PRC1: variants seen among roughly 807,000 people sequenced by gnomAD.
PRC1 encodes protein regulator of cytokinesis 1.
In PRC1, 54 loss-of-function variants were observed where a neutral mutation model predicts 91.2. The ratio of observed to expected loss-of-function variants is 0.59; its 90% confidence interval spans 0.48 to 0.74. The LOEUF is 0.74. PRC1 is among the 30% of genes least tolerant of loss of function. PRC1 has a pLI of 0.00. For missense variants in PRC1, 727 were observed against 746.2 expected (o/e 0.97, Z 0.30); for synonymous variants, 275 against 263.6 (o/e 1.04, Z -0.42).
At chr15:90,973,471 T>C (rs530662430) in intron 11 of PRC1, among the ~76,000 whole-genome samples, 1 of 152,306 alleles carries the variant, frequency 6.6e-6, no homozygotes, top group African/African-American at 2.4e-5. Context: ...GCCTGAGATA[T>C]GGCCTCGTGG....
intron 12 of PRC1, 140 bp from the exon 13 acceptor site, chr15:90,969,763 C>T (rs1191374617): frequency 9.9e-4 from 130 of 130,830 alleles, no homozygotes; most frequent in Middle Eastern, 5.8e-3. Flanking sequence ...AAAAAAAAAA[C>T]ATATATATAT....
At chr15:90,971,160 G>A (rs1363338350) in intron 11 of PRC1, among the ~76,000 whole-genome samples, 2 of 152,236 alleles carry the variant, frequency 1.3e-5, no homozygotes, top group East Asian at 1.9e-4. Context: ...AGCCAGGGAA[G>A]GAGGGAGGTA....
Position 90,994,502 on chromosome 15 carries a change from G to T in PRC1, c.-85C>A. On this transcript the variant is annotated 5_prime_UTR_variant, in exon 1 of 15. Coordinates refer to ENST00000394249, the MANE Select transcript of PRC1 (RefSeq NM_003981.4). ...GCAACAACCACCCGCAAACACCGGCGATGTCACTCCGCGTAGCCGCTCCGC... is the reference window on the plus strand; with the variant it reads ...GCAACAACCACCCGCAAACACCGGCTATGTCACTCCGCGTAGCCGCTCCGC... The T allele has an allele frequency of 2.7e-6, 4 of 1,506,120 alleles. No homozygotes were observed. Among genetic ancestry groups the T allele is most frequent in the Non-Finnish European group, 3.6e-6 (4 of 1,114,734 alleles). The allele number at this position is 1,506,120 out of a possible 1,614,324, so 93.3% of individuals were successfully genotyped here. A position where few individuals can be genotyped will look rare whatever the true frequency, so the allele number is the denominator to read the frequency against.
chr15:90,976,400 T>C (rs947621195), intron 9 of PRC1, among the ~76,000 whole-genome samples: 1 of 150,360 alleles, frequency 6.7e-6, no homozygotes, highest in African/African-American at 2.4e-5. Context: ...AGGCTGGTCT[T>C]GAACTCCTGA....
intron 14 of PRC1, chr15:90,968,266 G>C: frequency 1.0e-6 from 1 of 985,464 alleles, no homozygotes; most frequent in Non-Finnish European, 1.2e-6. Flanking sequence ...AAAGGTAGAA[G>C]CACCACCAGC....
In PRC1 at chr15:90,966,426, G is replaced by C. The variant is rs1596261672; in HGVS notation, c.*705C>G. ...GGGTAGAAGAACTCAGGCAAAGTAG[G>C]CACAGGAATGGGGGAGATGAGAGCC... On this transcript the variant is annotated 3_prime_UTR_variant, in exon 15 of 15. Coordinates refer to ENST00000394249, the MANE Select transcript of PRC1 (RefSeq NM_003981.4). The C allele has an allele frequency of 2.8e-6, 1 of 352,644 alleles. No individual in the cohort carries two copies. Among genetic ancestry groups the C allele is most frequent in the Non-Finnish European group, 5.8e-6 (1 of 173,164 alleles). 21.8% of individuals were successfully genotyped at this position (352,644 alleles called of 1,614,324 possible).
At chr15:90,968,066 C>G in intron 14 of PRC1, 1 of 985,386 alleles carries the variant, frequency 1.0e-6, no homozygotes, top group South Asian at 4.7e-5. Context: ...GTTAGTTTAC[C>G]GGCTTTGGTG....
intron 1 of PRC1, among the ~76,000 whole-genome samples, chr15:90,986,839 T>A (rs891219039): frequency 2.0e-5 from 3 of 151,962 alleles, no homozygotes; most frequent in Non-Finnish European, 4.4e-5. Flanking sequence ...TCTTTTCATT[T>A]TTTTAATGAA....
intron 8 of PRC1, chr15:90,977,130 A>AC (rs113083743): frequency 0.11 from 17,267 of 152,094 alleles, 2,010 homozygotes; most frequent in African/African-American, 0.29. Flanking sequence ...AAAAAAAAAA[A>AC]AAAAAAAAAA....
rs878879331 is a variant in PRC1 at position 90,976,723 on chromosome 15, G to A, written c.1156C>T (p.Leu386=). 6.2e-7 allele frequency: 1 copy of A among 1,613,654 alleles called. No individual in the cohort carries two copies. Among genetic ancestry groups the A allele is most frequent in the Admixed American group, 1.7e-5 (1 of 59,978 alleles). Residue 386 remains leucine (L), a synonymous_variant, in exon 9 of 15, where the codon CTA becomes TTA. Transcript: ENST00000394249. ...TTGGCTCGTTGTTTTTCTTCTTTTA[G>A]AAGATTTCCTCCTCGGTTTGTAAAT... ...NRFTNRGGNL[L]KEEKQRAKLQ... is the part of the protein sequence containing the mutation.
intron 1 of PRC1, among the ~76,000 whole-genome samples, chr15:90,994,165 T>C (rs1042788320): frequency 3.3e-5 from 5 of 151,884 alleles, no homozygotes; most frequent in African/African-American, 1.2e-4. Context: ...CACCCGGGCG[T>C]CTGAGCCTGC....
intron 8 of PRC1, among the ~76,000 whole-genome samples, chr15:90,978,591 A>G (rs976417951): frequency 1.3e-5 from 2 of 151,924 alleles, no homozygotes; most frequent in African/African-American, 4.8e-5. Context: ...ATCTCTACTA[A>G]AAATACAAAA....
intron 9 of PRC1, 48 bp downstream of exon 9, chr15:90,976,628 G>T: frequency 1.5e-6 from 2 of 1,367,666 alleles, no homozygotes; most frequent in Non-Finnish European, 2.1e-6. Flanking sequence ...TACAAATAGT[G>T]AGGTATCTTT....
In PRC1 at chr15:90,979,310, C is replaced by A. The variant is rs751422365; in HGVS notation, c.971-16G>T. ...GTGTAGTCCTCTGCAAAATATAGGC[C>A]CAGTAGTTTAAAACAATTCCTCTAG... On this transcript the variant is annotated splice_polypyrimidine_tract_variant and intron_variant, in intron 7 of 14. Coordinates refer to ENST00000394249, the MANE Select transcript of PRC1 (RefSeq NM_003981.4). The A allele has an allele frequency of 2.1e-5, 34 of 1,599,328 alleles. No homozygotes were observed. Among genetic ancestry groups the A allele is most frequent in the Non-Finnish European group, 2.9e-5 (34 of 1,175,218 alleles).
chr15:90,991,976 C>T (rs1596336565), intron 1 of PRC1, among the ~76,000 whole-genome samples: 1 of 152,192 alleles, frequency 6.6e-6, no homozygotes, highest in East Asian at 1.9e-4. Flanking sequence ...TTCTTTTGAC[C>T]TCAGTGCTCA....
At chr15:90,978,778 A>AAG (rs2038950397) in intron 8 of PRC1, among the ~76,000 whole-genome samples, 1 of 149,384 alleles carries the variant, frequency 6.7e-6, no homozygotes, top group South Asian at 2.1e-4. Flanking sequence ...AAAAAAAAAA[A>AAG]GTGCCATCAG....
At chr15:90,981,185 G>C in intron 5 of PRC1, 152 bp from the exon 6 acceptor site, 1 of 1,050,390 alleles carries the variant, frequency 9.5e-7, no homozygotes, top group East Asian at 2.5e-5. Context: ...AACACGAGCT[G>C]TAAGGCTGTC....
rs2039415972 is a variant in PRC1, at chr15:90,984,196, A to G, written c.145-56T>C. 6.3e-7 allele frequency: 1 copy of G among 1,587,602 alleles called. No homozygotes were observed. Among genetic ancestry groups the G allele is most frequent in the Non-Finnish European group, 8.6e-7 (1 of 1,164,362 alleles). ...GGGCAATGGAGGAAAAAAACTCCCA[A>G]CACCAATACCAAACTCCTCAAATTT... is the stretch of plus-strand genomic sequence containing the variant. On this transcript the variant is annotated intron_variant, in intron 2 of 14. Transcript: ENST00000394249. This position sits in a 1 kb window ranked among gnomAD's most constrained non-coding sequence, Gnocchi z 5.1.
chr15:90,992,192 C>T (rs2040018386), intron 1 of PRC1, among the ~76,000 whole-genome samples: 1 of 152,122 alleles, frequency 6.6e-6, no homozygotes, highest in African/African-American at 2.4e-5. Context: ...AAAACCACAA[C>T]CCCCCTTCCT....
Sources: allele counts gnomAD v4.1 joint callset (sites outside exome capture counted in the v4.1 genomes callset), GRCh38; gene constraint gnomAD v4.1.1; non-coding constraint Gnocchi (gnomAD v3.1); transcripts MANE v1.5; gene names NCBI Gene and HGNC (gene_info 2026-07-23, HGNC 2026-07-21).